The following KALRN variants were observed in gnomAD, a reference collection of about 807,000 sequenced individuals.
KALRN encodes kalirin.
Under a neutral mutation model 353.7 loss-of-function variants are expected in KALRN, and 70 were observed. The observed-to-expected ratio is 0.20, with a 90% CI of 0.16 to 0.24. The LOEUF (loss-of-function observed/expected upper bound fraction) is 0.24. KALRN is among the 10% of genes least tolerant of loss of function. The pLI is 1.00. For synonymous variants in KALRN, 1,391 were observed against 1,434.8 expected (o/e 0.97, Z 0.69); for missense variants, 2,791 against 3,756.7 (o/e 0.74, Z 6.72).
intron 1 of KALRN, among the ~76,000 whole-genome samples, chr3:124,181,914 G>A (rs2073648650): frequency 6.6e-6 from 1 of 152,170 alleles, no homozygotes; most frequent in African/African-American, 2.4e-5. Context: ...CAGGGATCTT[G>A]TAGCAGATCA....
chr3:124,048,491 T>G (rs150361129), intron 1 of KALRN, among the ~76,000 whole-genome samples: 9 of 152,200 alleles, frequency 5.9e-5, no homozygotes, highest in African/African-American at 1.9e-4. Context: ...TACCTCTTTT[T>G]TTTTTTTTGA....
chr3:124,361,750 G>T (rs895545284), intron 10 of KALRN, among the ~76,000 whole-genome samples: 1 of 151,802 alleles, frequency 6.6e-6, no homozygotes. Flanking sequence ...ACAGGGCTAT[G>T]AGGACCTTCT....
intron 33 of KALRN, among the ~76,000 whole-genome samples, chr3:124,504,275 C>T (rs2064962804): frequency 6.6e-6 from 1 of 151,930 alleles, no homozygotes; most frequent in Non-Finnish European, 1.5e-5. Context: ...CCTTAGAGAT[C>T]ATCTAGCCCT....
At chr3:124,672,085 G>C (rs1265449175) in intron 48 of KALRN, among the ~76,000 whole-genome samples, 187 bp downstream of exon 48, 1 of 152,180 alleles carries the variant, frequency 6.6e-6, no homozygotes, top group Non-Finnish European at 1.5e-5. Flanking sequence ...GAGTAGCTGG[G>C]ACTACAGGCG....
chr3:124,251,205 G>C (rs889767497), intron 3 of KALRN, among the ~76,000 whole-genome samples: 1 of 152,098 alleles, frequency 6.6e-6, no homozygotes, highest in Non-Finnish European at 1.5e-5. Flanking sequence ...GCCTCATGCT[G>C]GTCCCTCCAA....
intron 1 of KALRN, among the ~76,000 whole-genome samples, chr3:124,165,150 T>C (rs774158119): frequency 6.6e-6 from 1 of 152,390 alleles, no homozygotes; most frequent in South Asian, 2.1e-4. Flanking sequence ...ACACAAGTAA[T>C]TAATTTGTCA....
At chr3:124,051,496 G>A (rs2041042847) in intron 1 of KALRN, among the ~76,000 whole-genome samples, 1 of 152,102 alleles carries the variant, frequency 6.6e-6, no homozygotes, top group Admixed American at 6.5e-5. Context: ...ATGAACATAT[G>A]TTTTATAGCA....
Position 124,385,027 on chromosome 3 carries a change from C to G in KALRN, c.1953C>G (p.His651Gln). ...LLDMSVSFHT[H>Q]TKELWTWMED... ...ACATGTCTGTTTCCTTCCACACACACACCAAAGAGGTAAGGGGAGCTAGTG... is the reference window on the plus strand; with the variant it reads ...ACATGTCTGTTTCCTTCCACACACAGACCAAAGAGGTAAGGGGAGCTAGTG... Residue 651 changes from histidine to glutamine, a missense_variant, in exon 11 of 60, where the codon CAC (histidine) becomes CAG (glutamine). His to Gln is a conservative substitution (Grantham distance 24). Coordinates refer to ENST00000682506, the MANE Select transcript of KALRN (RefSeq NM_001388419.1). The G allele has an allele frequency of 3.1e-6, 5 of 1,601,308 alleles. No homozygotes were observed. Among genetic ancestry groups the G allele is most frequent in the Non-Finnish European group, 4.3e-6 (5 of 1,172,156 alleles).
chr3:124,359,461 CT>C (rs968963829), intron 10 of KALRN, among the ~76,000 whole-genome samples: 2 of 152,338 alleles, frequency 1.3e-5, no homozygotes, highest in African/African-American at 2.4e-5. Context: ...ATCTACCCCC[CT>C]AGTAGTCCCC....
intron 6 of KALRN, among the ~76,000 whole-genome samples, chr3:124,314,716 G>A (rs895133296): frequency 6.6e-6 from 1 of 152,174 alleles, no homozygotes; most frequent in Non-Finnish European, 1.5e-5. Context: ...GCATGCAGTG[G>A]CAGGATTGTG....
At chr3:124,265,493 A>T (rs985504689) in intron 4 of KALRN, among the ~76,000 whole-genome samples, 8 of 151,222 alleles carry the variant, frequency 5.3e-5, no homozygotes, top group African/African-American at 1.9e-4. Context: ...GGGTTTCATC[A>T]TGTTGGCCTG....
chr3:124,453,322 C>G (rs979656970), intron 21 of KALRN, among the ~76,000 whole-genome samples: 1 of 152,214 alleles, frequency 6.6e-6, no homozygotes, highest in Non-Finnish European at 1.5e-5. Flanking sequence ...AGCCTACTGT[C>G]CTGAGATAGG....
At chr3:124,561,664 T>C (rs1195282843) in intron 33 of KALRN, among the ~76,000 whole-genome samples, 1 of 152,190 alleles carries the variant, frequency 6.6e-6, no homozygotes, top group Non-Finnish European at 1.5e-5. Context: ...ATTTGGGCCC[T>C]GAAGGCTTAA....
intron 1 of KALRN, among the ~76,000 whole-genome samples, chr3:124,217,535 AC>A (rs1289043678): frequency 6.6e-6 from 1 of 152,150 alleles, no homozygotes; most frequent in Non-Finnish European, 1.5e-5. Flanking sequence ...TGAAAACAAT[AC>A]CAAAAAAACC....
intron 10 of KALRN, among the ~76,000 whole-genome samples, chr3:124,382,800 A>T (rs2087593875): frequency 6.6e-6 from 1 of 152,130 alleles, no homozygotes. Context: ...GGGCATATAG[A>T]CTAGAAATTG....
chr3:124,293,855 T>C (rs538919233), intron 5 of KALRN, among the ~76,000 whole-genome samples: 9 of 152,330 alleles, frequency 5.9e-5, no homozygotes, highest in African/African-American at 2.2e-4. Context: ...TAAAATGTCC[T>C]AGCTGGAAGG....
At chr3:124,309,011 A>G (rs560842311) in intron 6 of KALRN, among the ~76,000 whole-genome samples, 2 of 152,290 alleles carry the variant, frequency 1.3e-5, no homozygotes, top group East Asian at 1.9e-4. Context: ...AAGAGATGCT[A>G]TAAATAATTG....
intron 1 of KALRN, among the ~76,000 whole-genome samples, chr3:124,179,916 A>G (rs2150192227): frequency 6.6e-6 from 1 of 152,372 alleles, no homozygotes; most frequent in East Asian, 1.9e-4. Context: ...CTGAAATCGC[A>G]GAAAGTGTAA....
At chr3:124,562,360 G>C (rs1415919804) in intron 33 of KALRN, among the ~76,000 whole-genome samples, 1 of 152,160 alleles carries the variant, frequency 6.6e-6, no homozygotes, top group Admixed American at 6.5e-5. Flanking sequence ...GAATCTAATG[G>C]GAGGGGTGAG....
Sources: gnomAD v4.1 joint callset for allele counts (sites outside exome capture counted in the v4.1 genomes callset) on GRCh38, gnomAD v4.1.1 for gene constraint, MANE v1.5 for transcripts, NCBI Gene and HGNC (gene_info 2026-07-23, HGNC 2026-07-21) for gene names.